ZNF717: variants seen among roughly 807,000 people sequenced by gnomAD.
ZNF717 encodes the protein zinc finger protein 717.
ZNF717 carries 9 observed loss-of-function variants against 13.8 expected under a neutral mutation model. The observed-to-expected ratio is 0.65, with a 90% CI of 0.39 to 1.14. The LOEUF is 1.14. ZNF717 is among the 50% of genes most tolerant of loss of function. The pLI is 0.01. For missense variants in ZNF717, 1,040 were observed against 1,080.7 expected (o/e 0.96, Z 0.53); for synonymous variants, 327 against 364.1 (o/e 0.90, Z 1.16).
chr3:75,726,429 C>T (rs73841577), downstream of ZNF717, among the ~76,000 whole-genome samples: 20 of 151,378 alleles, frequency 1.3e-4, no homozygotes, highest in Middle Eastern at 3.4e-3. Context: ...TCAAGACAAG[C>T]CTGAGCAACA....
chr3:75,748,485 A>C (rs1360317702), intron 2 of ZNF717, among the ~76,000 whole-genome samples: 1 of 152,212 alleles, frequency 6.6e-6, no homozygotes, highest in African/African-American at 2.4e-5. Context: ...CAAAAAGCTT[A>C]TCGACCATGA....
downstream of ZNF717, among the ~76,000 whole-genome samples, chr3:75,727,696 CA>C (rs1370219888): frequency 6.6e-6 from 1 of 152,224 alleles, no homozygotes; most frequent in African/African-American, 2.4e-5. Context: ...AGATGTTTAT[CA>C]AGACAATGTG....
intron 4 of ZNF717, among the ~76,000 whole-genome samples, chr3:75,719,211 C>T (rs1215227664): frequency 1.3e-5 from 2 of 150,904 alleles, no homozygotes; most frequent in East Asian, 3.9e-4. Context: ...GGGAGGATTG[C>T]TTGAGCTCAG....
At chr3:75,711,109 T>C (rs1324421646) in exon 6 of ZNF717, 1 of 152,226 alleles carries the variant, frequency 6.6e-6, no homozygotes, top group African/African-American at 2.4e-5. Context: ...GCCTTAATAA[T>C]ATAACCAAGG....
chr3:75,770,201 C>T (rs1943781311), intron 2 of ZNF717, among the ~76,000 whole-genome samples: 1 of 152,228 alleles, frequency 6.6e-6, no homozygotes, highest in Non-Finnish European at 1.5e-5. Flanking sequence ...TGTAACAAAG[C>T]TTCTGTGCTT....
downstream of ZNF717, among the ~76,000 whole-genome samples, chr3:75,708,451 C>A (rs1354748433): frequency 1.3e-5 from 2 of 152,154 alleles, no homozygotes; most frequent in Non-Finnish European, 2.9e-5. Flanking sequence ...GACATCTACA[C>A]CAAAAACCCA....
At chr3:75,709,060 G>T (rs1575714924), downstream of ZNF717, among the ~76,000 whole-genome samples, 1 of 151,482 alleles carries the variant, frequency 6.6e-6, no homozygotes, top group African/African-American at 2.4e-5. Context: ...GAGTGCAGTG[G>T]TGTGATCTCG....
chr3:75,753,987 C>T (rs1326887126), intron 2 of ZNF717, among the ~76,000 whole-genome samples: 3 of 152,128 alleles, frequency 2.0e-5, no homozygotes, highest in Non-Finnish European at 4.4e-5. Context: ...TTTTCCCGCA[C>T]ACAGGATTCT....
rs1264233662 is a variant in ZNF717, at chr3:75,718,157, C to T, written n.545-1616G>A. ...TCAGAGTTACACAGCCAGGGGACAA[C>T]GGAACTGAGGCATGCATTCTCCAGT... is the stretch of plus-strand genomic sequence containing the variant. On this transcript the variant is annotated intron_variant and non_coding_transcript_variant, in intron 4 of 5. Transcript: ENST00000491507. 4.6e-5 allele frequency among the ~76,000 whole-genome samples: 7 copies of T among 152,224 alleles called. No individual in the cohort carries two copies. In the East Asian group the frequency reaches 5.8e-4, roughly 13 times the overall value.
chr3:75,772,884 T>C (rs898919821), intron 2 of ZNF717, among the ~76,000 whole-genome samples: 2 of 152,218 alleles, frequency 1.3e-5, no homozygotes, highest in Non-Finnish European at 2.9e-5. Context: ...CAGCTGGGGA[T>C]TGTGGTAAAT....
chr3:75,748,247 T>C (rs1240544992), intron 2 of ZNF717, among the ~76,000 whole-genome samples: 2 of 152,148 alleles, frequency 1.3e-5, no homozygotes, highest in Non-Finnish European at 2.9e-5. Context: ...CACAGCTGAA[T>C]TCTACCAGAG....
intron 6 of ZNF717, among the ~76,000 whole-genome samples, chr3:75,701,084 TCC>T: frequency 6.6e-6 from 1 of 152,430 alleles, no homozygotes; most frequent in East Asian, 1.9e-4. Context: ...AGGCTTTGTG[TCC>T]CCACCCAAAT....
At chr3:75,694,959 TAAC>T (rs1559563944) in intron 6 of ZNF717, among the ~76,000 whole-genome samples, 2 of 151,790 alleles carry the variant, frequency 1.3e-5, no homozygotes, top group South Asian at 2.1e-4. Context: ...AGAAAACAAA[TAAC>T]AAAATGGCAG....
rs1393507148 is a variant in ZNF717 at position 75,739,089 on chromosome 3, C to G, written c.534G>C (p.Glu178Asp). Residue 178 changes from glutamate (E) to aspartate (D), a missense_variant, in exon 5 of 5, where the codon GAG (glutamate) becomes GAC (aspartate). By Grantham distance (45) the Glu-to-Asp change is conservative (BLOSUM62 2). Coordinates refer to ENST00000652011, the MANE Select transcript of ZNF717 (RefSeq NM_001290208.3). ...TGGTTATATCACAGACATGAGGTTTCTCTCCAGACTGTGTCTCCCCAGGCT... is the reference window on the plus strand; with the variant it reads ...TGGTTATATCACAGACATGAGGTTTGTCTCCAGACTGTGTCTCCCCAGGCT... ...PIKPGETQSG[E>D]KPHVCDITRR... 3.9e-6 allele frequency: 6 copies of G among 1,551,450 alleles called. No individual in the cohort carries two copies. The Admixed American group carries it at 1.2e-4, about 30-fold the overall frequency.
intron 4 of ZNF717, among the ~76,000 whole-genome samples, chr3:75,721,268 T>G (rs75266329): frequency 6.6e-6 from 1 of 152,162 alleles, no homozygotes; most frequent in Non-Finnish European, 1.5e-5. Context: ...CATTGCTAAC[T>G]GATGTTTTTG....
intron 2 of ZNF717, among the ~76,000 whole-genome samples, chr3:75,776,782 A>G (rs1944357517): frequency 6.6e-6 from 1 of 152,230 alleles, no homozygotes; most frequent in South Asian, 2.1e-4. Context: ...TTTTACCAAG[A>G]TCACAGTTCG....
At chr3:75,748,110 C>A (rs1197771153) in intron 2 of ZNF717, among the ~76,000 whole-genome samples, 5 of 152,132 alleles carry the variant, frequency 3.3e-5, no homozygotes, top group African/African-American at 1.2e-4. Context: ...GGATAAATTC[C>A]TTGACACATA....
chr3:75,698,217 G>A (rs545380776), intron 6 of ZNF717, among the ~76,000 whole-genome samples: 254 of 148,272 alleles, frequency 1.7e-3, no homozygotes, highest in South Asian at 0.013. Context: ...TGAAAACTTT[G>A]CAGCCTAGTC....
At chr3:75,759,520 C>T (rs1460603675) in intron 2 of ZNF717, among the ~76,000 whole-genome samples, 1 of 152,192 alleles carries the variant, frequency 6.6e-6, no homozygotes, top group African/African-American at 2.4e-5. Flanking sequence ...GATCTGCCTG[C>T]CTCAGCCTCC....
Sources: gnomAD v4.1 joint callset for allele counts (sites outside exome capture counted in the v4.1 genomes callset) on GRCh38, gnomAD v4.1.1 for gene constraint, MANE v1.5 for transcripts, NCBI Gene and HGNC (gene_info 2026-07-23, HGNC 2026-07-21) for gene names.